EBF1: variants seen among roughly 807,000 people sequenced by gnomAD.
The protein encoded by EBF1 is EBF transcription factor 1.
Under a neutral mutation model 68.4 loss-of-function variants are expected in EBF1, and 10 were observed. The observed-to-expected ratio is 0.15, with a 90% CI of 0.09 to 0.25. The LOEUF (loss-of-function observed/expected upper bound fraction) is 0.25. Ranked by LOEUF, EBF1 falls within the 10% of genes least tolerant of loss-of-function variation. The probability of loss-of-function intolerance (pLI) is 1.00; values close to 1 mark genes in which losing one functional copy is unlikely to be tolerated. For synonymous variants in EBF1, 298 were observed against 299.8 expected, an observed-to-expected ratio of 0.99 and a Z score of 0.06; for missense variants, 509 against 794.4, an observed-to-expected ratio of 0.64 and a Z score of 4.32.
chr5:159,053,877 A>G (rs1272739041), intron 6 of EBF1, among the ~76,000 whole-genome samples: 1 of 152,226 alleles, frequency 6.6e-6, no homozygotes, highest in Non-Finnish European at 1.5e-5. Context: ...GGGCCCTTTA[A>G]AAGCTGAGGT....
chr5:158,782,975 A>G (rs966784353), intron 9 of EBF1, among the ~76,000 whole-genome samples: 2 of 152,198 alleles, frequency 1.3e-5, no homozygotes, highest in African/African-American at 4.8e-5. Flanking sequence ...GTAAAAAAGA[A>G]AAGGATGTCT....
chr5:158,808,900 G>A (rs1265479399), intron 8 of EBF1, among the ~76,000 whole-genome samples: 1 of 151,984 alleles, frequency 6.6e-6, no homozygotes, highest in Admixed American at 6.6e-5. Context: ...ACAGTTACTT[G>A]CCAAAAAGAT....
chr5:158,981,809 T>G (rs769707915), intron 6 of EBF1, among the ~76,000 whole-genome samples: 7 of 152,188 alleles, frequency 4.6e-5, no homozygotes, highest in Non-Finnish European at 1.0e-4. Context: ...CAATTACTAT[T>G]GTTTTATTTT....
intron 6 of EBF1, among the ~76,000 whole-genome samples, chr5:158,843,685 C>T (rs1790801658): frequency 6.6e-6 from 1 of 152,222 alleles, no homozygotes; most frequent in South Asian, 2.1e-4. Flanking sequence ...AAAGCCAGCC[C>T]TACCCCAGAG....
intron 6 of EBF1, among the ~76,000 whole-genome samples, chr5:158,994,546 G>A (rs1226595756): frequency 6.6e-6 from 1 of 152,128 alleles, no homozygotes; most frequent in Non-Finnish European, 1.5e-5. Context: ...AACATCCCTT[G>A]CACGCCTTTT....
chr5:158,723,509 C>G (rs1472422304), intron 11 of EBF1, among the ~76,000 whole-genome samples: 1 of 152,074 alleles, frequency 6.6e-6, no homozygotes, highest in Admixed American at 6.6e-5. Context: ...TATTAATAAT[C>G]CCCATTTATT....
chr5:159,025,647 T>A (rs1385212684), intron 6 of EBF1, among the ~76,000 whole-genome samples: 4 of 152,234 alleles, frequency 2.6e-5, no homozygotes, highest in Non-Finnish European at 5.9e-5. Context: ...AATAGCAGCC[T>A]TTTTATTTCC....
intron 6 of EBF1, among the ~76,000 whole-genome samples, chr5:158,891,061 G>C (rs1649797325): frequency 6.6e-6 from 1 of 152,210 alleles, no homozygotes; most frequent in African/African-American, 2.4e-5. Flanking sequence ...TTCCACAAAA[G>C]AATCACAGGT....
intron 6 of EBF1, among the ~76,000 whole-genome samples, chr5:158,958,290 T>C (rs1817533849): frequency 6.6e-6 from 1 of 152,180 alleles, no homozygotes; most frequent in African/African-American, 2.4e-5. Flanking sequence ...ATCAAAGTTT[T>C]CTTCAAATCC....
rs534189085 is a variant in EBF1 at position 158,987,557 on chromosome 5, T to A, written c.554+85839A>T. ...ATGAGAGAATGAAGGCAGGAAAAGG[T>A]TCAGAGGATGTCCAAATTCACACAG... On this transcript the variant is annotated intron_variant, in intron 6 of 15. Coordinates refer to ENST00000313708, the MANE Select transcript of EBF1 (RefSeq NM_024007.5). 9.8e-4 allele frequency among the ~76,000 whole-genome samples: 149 copies of A among 152,184 alleles called. 2 individuals are homozygous for A. Among genetic ancestry groups the A allele is most frequent in the African/African-American group, 3.4e-3 (141 of 41,526 alleles).
chr5:158,912,259 G>A (rs1806150798), intron 6 of EBF1, among the ~76,000 whole-genome samples: 1 of 152,108 alleles, frequency 6.6e-6, no homozygotes, highest in African/African-American at 2.4e-5. Flanking sequence ...TTTCACCTAC[G>A]GATCCCAGGG....
chr5:159,005,585 A>T (rs564630983), intron 6 of EBF1, among the ~76,000 whole-genome samples: 26 of 152,212 alleles, frequency 1.7e-4, no homozygotes, highest in Admixed American at 3.3e-4. Context: ...CATTTATTAT[A>T]GGACATCCAG....
chr5:158,830,172 A>C (rs1286154676), intron 7 of EBF1, among the ~76,000 whole-genome samples: 1 of 152,204 alleles, frequency 6.6e-6, no homozygotes, highest in Non-Finnish European at 1.5e-5. Flanking sequence ...CCAGGAGTTT[A>C]AAAAAACAAC....
At chr5:159,054,526 A>G (rs568062852) in intron 6 of EBF1, among the ~76,000 whole-genome samples, 2 of 152,272 alleles carry the variant, frequency 1.3e-5, no homozygotes, top group African/African-American at 2.4e-5. Flanking sequence ...TGAAATTCCA[A>G]TTTCTTCAAG....
At chr5:159,009,512 C>G (rs556580558) in intron 6 of EBF1, among the ~76,000 whole-genome samples, 1 of 152,112 alleles carries the variant, frequency 6.6e-6, no homozygotes, top group Non-Finnish European at 1.5e-5. Context: ...TCTCCTTAAA[C>G]TTTAGAGTGA....
intron 6 of EBF1, among the ~76,000 whole-genome samples, chr5:158,844,559 A>C (rs1791041533): frequency 6.6e-6 from 1 of 152,232 alleles, no homozygotes; most frequent in African/African-American, 2.4e-5. Flanking sequence ...TGCCTATGAG[A>C]AAAATTAGGC....
At chr5:158,798,048 C>G (rs1364596122) in intron 8 of EBF1, among the ~76,000 whole-genome samples, 1 of 152,046 alleles carries the variant, frequency 6.6e-6, no homozygotes, top group East Asian at 1.9e-4. Context: ...CCAGTGGTAC[C>G]ATATGATGTA....
At chr5:158,781,919 C>T (rs77343625) in intron 9 of EBF1, among the ~76,000 whole-genome samples, 7,984 of 152,218 alleles carry the variant, frequency 0.052, 306 homozygotes, top group Non-Finnish European at 0.074. Context: ...CAGCTGCCCC[C>T]TTTGCCTATT....
chr5:158,918,547 C>G (rs1200531567), intron 6 of EBF1, among the ~76,000 whole-genome samples: 1 of 152,120 alleles, frequency 6.6e-6, no homozygotes, highest in African/African-American at 2.4e-5. Context: ...GAGACTAAGA[C>G]AGAAAGACTG....
Sources: gnomAD v4.1 joint callset for allele counts (sites outside exome capture counted in the v4.1 genomes callset) on GRCh38, gnomAD v4.1.1 for gene constraint, MANE v1.5 for transcripts, NCBI Gene and HGNC (gene_info 2026-07-23, HGNC 2026-07-21) for gene names.